The following FHIP2A variants were observed in gnomAD, a reference collection of about 807,000 sequenced individuals.
The protein encoded by FHIP2A is family with sequence similarity 160 member B1.
Under a neutral mutation model 93.5 loss-of-function variants are expected in FHIP2A, and 46 were observed. The ratio of observed to expected loss-of-function variants is 0.49; its 90% CI spans 0.39 to 0.63. The LOEUF (loss-of-function observed/expected upper bound fraction) is 0.63. Among genes scored for constraint, FHIP2A ranks in the 20% least tolerant of loss-of-function variants. FHIP2A has a pLI of 0.00. For missense variants in FHIP2A, 769 were observed against 909.7 expected, an observed-to-expected ratio of 0.85 and a Z score of 1.99; for synonymous variants, 332 against 326.5, an observed-to-expected ratio of 1.02 and a Z score of -0.18.
chr10:114,827,753 C>T (rs1475531522), intron 1 of FHIP2A, among the ~76,000 whole-genome samples: 3 of 146,830 alleles, frequency 2.0e-5, no homozygotes, highest in East Asian at 2.0e-4. Context: ...GCCGAGATCA[C>T]GCCACTGCAC....
intron 1 of FHIP2A, among the ~76,000 whole-genome samples, chr10:114,828,516 G>A (rs562004957): frequency 4.0e-4 from 61 of 152,286 alleles, no homozygotes; most frequent in African/African-American, 1.3e-3. Context: ...TGTCCCACTC[G>A]TGAATGCACT....
chr10:114,860,964 A>G (rs1461208955), intron 15 of FHIP2A, 75 bp downstream of exon 15: 4 of 1,372,216 alleles, frequency 2.9e-6, no homozygotes, highest in Non-Finnish European at 4.1e-6. Context: ...CATTGTATGC[A>G]GTTAGTGTCA....
downstream of FHIP2A, among the ~76,000 whole-genome samples, chr10:114,865,844 TGC>T (rs1377471068): frequency 9.2e-5 from 14 of 151,988 alleles, no homozygotes; most frequent in East Asian, 1.2e-3. Flanking sequence ...GCAGAAACAC[TGC>T]ATGTGAGTTT....
chr10:114,839,309 T>A (rs1016434410), intron 5 of FHIP2A, among the ~76,000 whole-genome samples: 1 of 151,986 alleles, frequency 6.6e-6, no homozygotes, highest in Admixed American at 6.6e-5. Context: ...GTATTTTTAG[T>A]AGAGATGGGG....
intron 1 of FHIP2A, among the ~76,000 whole-genome samples, chr10:114,824,964 T>C (rs2083564709): frequency 6.6e-6 from 1 of 152,230 alleles, no homozygotes; most frequent in Admixed American, 6.5e-5. Context: ...GTATGATTAC[T>C]TTCCAGGTTT....
chr10:114,890,409 A>C (rs1010943184), intron 16 of FHIP2A, among the ~76,000 whole-genome samples: 5 of 151,038 alleles, frequency 3.3e-5, no homozygotes, highest in Non-Finnish European at 7.4e-5. Context: ...TTGAGAACCC[A>C]GTGATTTATG....
In FHIP2A at chr10:114,846,673, C is replaced by T. The variant is rs753478444; in HGVS notation, c.1513C>T (p.Pro505Ser). 1.3e-5 allele frequency: 21 copies of T among 1,611,098 alleles called. No individual in the cohort carries two copies. Among genetic ancestry groups the T allele is most frequent in the Admixed American group, 3.4e-5 (2 of 59,456 alleles). Reference protein sequence around the residue: ...LEERNYTEYKPLCPEDKDVVE... With the variant: ...LEERNYTEYKSLCPEDKDVVE... The stretch of plus-strand genomic sequence containing the variant: ...AGAAAGAAATTATACAGAATATAAA[C>T]CTTTGTGCCCAGAAGATAAAGATGT... Residue 505 changes from proline to serine, a missense_variant, in exon 11 of 17, where the codon CCT (proline) becomes TCT (serine). Coordinates refer to ENST00000369248, the MANE Select transcript of FHIP2A (RefSeq NM_020940.4).
downstream of FHIP2A, among the ~76,000 whole-genome samples, chr10:114,867,374 G>C (rs1227858270): frequency 6.6e-6 from 1 of 152,134 alleles, no homozygotes; most frequent in African/African-American, 2.4e-5. Flanking sequence ...TTTCTCAGCT[G>C]ATGAATAGCA....
chr10:114,827,032 T>C (rs912132376), intron 1 of FHIP2A, among the ~76,000 whole-genome samples: 19 of 152,256 alleles, frequency 1.2e-4, no homozygotes, highest in Admixed American at 1.0e-3. Context: ...ATGTTGATGA[T>C]ACATGAGACA....
Position 114,862,361 on chromosome 10 carries a change from C to T in FHIP2A, c.*821C>T. ...TGTACTGGGTTGAGAACCTTTTTCC[C>T]CCCTCTCCCTCTCAGAAAATTGCTT... On this transcript the variant is annotated 3_prime_UTR_variant, in exon 17 of 17. Coordinates refer to ENST00000369248, the MANE Select transcript of FHIP2A (RefSeq NM_020940.4). 10 of 987,136 alleles carry T rather than the reference C, an allele frequency of 1.0e-5. No homozygotes were observed. The highest frequency in any genetic ancestry group is 1.2e-5 in the Non-Finnish European group (10 of 829,978). The allele number at this position is 987,136 out of a possible 1,614,324, so 61.1% of individuals were successfully genotyped here. A position where few individuals can be genotyped will look rare whatever the true frequency, so the allele number is the denominator to read the frequency against.
intron 16 of FHIP2A, among the ~76,000 whole-genome samples, chr10:114,870,095 G>A (rs1340931579): frequency 6.6e-6 from 1 of 152,082 alleles, no homozygotes; most frequent in African/African-American, 2.4e-5. Context: ...TGTCCTCATT[G>A]TACAGCTTGC....
intron 16 of FHIP2A, among the ~76,000 whole-genome samples, chr10:114,891,219 A>AAT (rs67046628): frequency 0.07 from 9,734 of 138,326 alleles, 688 homozygotes; most frequent in African/African-American, 0.19. Context: ...AACAACAACA[A>AAT]ATATATATAT....
intron 16 of FHIP2A, among the ~76,000 whole-genome samples, chr10:114,870,132 T>C (rs1002885298): frequency 6.6e-6 from 1 of 152,182 alleles, no homozygotes; most frequent in African/African-American, 2.4e-5. Flanking sequence ...TATAAGACCA[T>C]TGTGTTTTGG....
At chr10:114,889,794 C>T (rs1482886905) in intron 16 of FHIP2A, among the ~76,000 whole-genome samples, 1 of 152,194 alleles carries the variant, frequency 6.6e-6, no homozygotes, top group Non-Finnish European at 1.5e-5. Flanking sequence ...AAGGGTTGCT[C>T]CTCTGGTGGA....
intron 13 of FHIP2A, among the ~76,000 whole-genome samples, chr10:114,853,207 A>G (rs924737448): frequency 7.9e-5 from 12 of 152,250 alleles, no homozygotes; most frequent in South Asian, 2.1e-4. Flanking sequence ...ACATTTTACA[A>G]TATCAGTAAC....
At chr10:114,843,635 A>G (rs1215322396) in intron 6 of FHIP2A, 106 bp from the exon 7 acceptor site, 5 of 890,800 alleles carry the variant, frequency 5.6e-6, no homozygotes, top group East Asian at 3.0e-5. Flanking sequence ...ACAAAAATCT[A>G]TTTTTCTTTT....
intron 14 of FHIP2A, among the ~76,000 whole-genome samples, chr10:114,858,812 G>A (rs1233948371): frequency 6.6e-6 from 1 of 151,960 alleles, no homozygotes; most frequent in African/African-American, 2.4e-5. Context: ...AGTACAGTAG[G>A]GAAATTAGTT....
chr10:114,831,921 C>A (rs1032344100), intron 2 of FHIP2A, among the ~76,000 whole-genome samples: 1 of 152,148 alleles, frequency 6.6e-6, no homozygotes, highest in Non-Finnish European at 1.5e-5. Flanking sequence ...ACAAAGGTGA[C>A]CCTTCTCTAT....
intron 2 of FHIP2A, among the ~76,000 whole-genome samples, chr10:114,831,504 G>T (rs978458496): frequency 6.6e-6 from 1 of 152,172 alleles, no homozygotes; most frequent in African/African-American, 2.4e-5. Context: ...AGCCAGTGTG[G>T]ATAGAGCTTG....
Sources: gnomAD v4.1 joint callset for allele counts (sites outside exome capture counted in the v4.1 genomes callset) on GRCh38, gnomAD v4.1.1 for gene constraint, MANE v1.5 for transcripts, NCBI Gene and HGNC (gene_info 2026-07-23, HGNC 2026-07-21) for gene names.